The following FRMD5 variants were observed in gnomAD, a reference collection of about 807,000 sequenced individuals.
The protein encoded by FRMD5 is FERM domain containing 5, also known as FERM domain-containing protein 5.
Under a neutral mutation model 69.0 loss-of-function variants are expected in FRMD5, and 20 were observed. That is an observed-to-expected ratio of 0.29 (90% CI 0.20 to 0.42). The LOEUF (loss-of-function observed/expected upper bound fraction) is 0.42, where lower values mean the gene tolerates loss of function less well. Ranked by LOEUF, FRMD5 falls within the 10% of genes least tolerant of loss-of-function variation. FRMD5 has a pLI of 1.00. For synonymous variants in FRMD5, 271 were observed against 260.1 expected, an observed-to-expected ratio of 1.04 and a Z score of -0.40; for missense variants, 595 against 708.6, an observed-to-expected ratio of 0.84 and a Z score of 1.82.
chr15:44,016,084 C>G (rs184531888), intron 1 of FRMD5, among the ~76,000 whole-genome samples: 2 of 152,168 alleles, frequency 1.3e-5, no homozygotes, highest in South Asian at 4.1e-4. Context: ...TCTCTTGCTT[C>G]AAAACCCAGC....
chr15:44,189,351 G>T (rs1457644492), intron 1 of FRMD5, among the ~76,000 whole-genome samples: 1 of 152,110 alleles, frequency 6.6e-6, no homozygotes, highest in Non-Finnish European at 1.5e-5. Flanking sequence ...GAGGCAAAAG[G>T]TCCATAATTT....
chr15:44,028,391 T>C, intron 1 of FRMD5, among the ~76,000 whole-genome samples: 1 of 152,202 alleles, frequency 6.6e-6, no homozygotes, highest in Non-Finnish European at 1.5e-5. Context: ...AGCCTGGAGA[T>C]AAATCAGTTT....
chr15:43,995,567 T>C (rs927954563), intron 1 of FRMD5, among the ~76,000 whole-genome samples: 1 of 151,986 alleles, frequency 6.6e-6, no homozygotes, highest in Non-Finnish European at 1.5e-5. Context: ...GGACCATGGG[T>C]CTGCTGAAGC....
At chr15:44,118,924 T>C (rs1336212747) in intron 1 of FRMD5, among the ~76,000 whole-genome samples, 3 of 151,848 alleles carry the variant, frequency 2.0e-5, no homozygotes, top group East Asian at 3.9e-4. Flanking sequence ...TACAGGTTCA[T>C]CCCACCATGC....
chr15:44,157,852 AAAAG>A (rs2077552372), intron 1 of FRMD5, among the ~76,000 whole-genome samples: 1 of 152,200 alleles, frequency 6.6e-6, no homozygotes, highest in African/African-American at 2.4e-5. Context: ...AACTTAAAAA[AAAAG>A]AAACTTCAAG....
At chr15:44,131,735 C>G (rs146670789) in intron 1 of FRMD5, among the ~76,000 whole-genome samples, 94 of 21,354 alleles carry the variant, frequency 4.4e-3, no homozygotes, top group African/African-American at 6.2e-3. Context: ...GGTACTTACA[C>G]TAGTTAAAAT....
intron 1 of FRMD5, among the ~76,000 whole-genome samples, chr15:44,114,223 A>C (rs1051305934): frequency 2.0e-5 from 3 of 152,200 alleles, no homozygotes; most frequent in Admixed American, 2.0e-4. Context: ...AGAATTTCGC[A>C]GTATTCACCC....
intron 1 of FRMD5, among the ~76,000 whole-genome samples, chr15:44,075,866 G>A (rs56108733): frequency 0.075 from 11,390 of 152,254 alleles, 608 homozygotes; most frequent in Non-Finnish European, 0.12. Flanking sequence ...TCTAACTGGT[G>A]TGAGATGGTA....
chr15:43,874,172 C>T lies in FRMD5; in HGVS notation c.1426G>A (p.Gly476Arg). 6.2e-7 allele frequency: 1 copy of T among 1,614,236 alleles called. No homozygotes were observed. The highest frequency in any genetic ancestry group is 8.5e-7 in the Non-Finnish European group (1 of 1,180,052). ...TPTATEVEAL[G>R]GELRALCQGH... ...TGACACAGGGCCCTCAGCTCTCCCCCAAGGGCCTCCACCTCTGTAGCAGTT... is the reference window on the plus strand; with the variant it reads ...TGACACAGGGCCCTCAGCTCTCCCCTAAGGGCCTCCACCTCTGTAGCAGTT... Residue 476 changes from glycine (G) to arginine (R), a missense_variant, in exon 14 of 14, where the codon GGG becomes AGG. Physicochemically the swap from Gly to Arg is moderately radical, Grantham distance 125 (BLOSUM62 -2). Coordinates refer to ENST00000417257, the MANE Select transcript of FRMD5 (RefSeq NM_032892.5).
chr15:43,876,428 C>T (rs2088359094), intron 13 of FRMD5, among the ~76,000 whole-genome samples: 1 of 152,142 alleles, frequency 6.6e-6, no homozygotes, highest in Non-Finnish European at 1.5e-5. Flanking sequence ...CATCTGTAAT[C>T]CCAGCACTTT....
At chr15:44,062,612 C>A (rs1038573245) in intron 1 of FRMD5, among the ~76,000 whole-genome samples, 7 of 151,322 alleles carry the variant, frequency 4.6e-5, no homozygotes, top group African/African-American at 1.5e-4. Flanking sequence ...ACTGCTTGAA[C>A]CTGGGAGGCA....
chr15:44,030,348 C>A (rs1891627145), intron 1 of FRMD5, among the ~76,000 whole-genome samples: 1 of 152,094 alleles, frequency 6.6e-6, no homozygotes, highest in Admixed American at 6.5e-5. Context: ...ATTTATAAAT[C>A]CTGATTCTGC....
At chr15:43,884,904 G>T in intron 11 of FRMD5, 109 bp from the exon 12 acceptor site, 3 of 925,500 alleles carry the variant, frequency 3.2e-6, no homozygotes, top group Non-Finnish European at 5.2e-6. Flanking sequence ...GGCATCTGTG[G>T]CCCACCCTTT....
At chr15:44,192,861 G>T (rs1344959264) in intron 1 of FRMD5, among the ~76,000 whole-genome samples, 1 of 152,080 alleles carries the variant, frequency 6.6e-6, no homozygotes, top group Non-Finnish European at 1.5e-5. Flanking sequence ...CTAGACAGTG[G>T]ACACTTACTA....
Position 43,966,336 on chromosome 15 carries a change from T to C in FRMD5, c.103-42027A>G, listed in dbSNP as rs535565810. ...GCAGTGAGAGGAGATCTCATGCCGTTGCAGTCCAGCCTGGGAGACAGAGTG... is the reference window on the plus strand; with the variant it reads ...GCAGTGAGAGGAGATCTCATGCCGTCGCAGTCCAGCCTGGGAGACAGAGTG... On this transcript the variant is annotated intron_variant, in intron 1 of 13. Coordinates refer to ENST00000417257, the MANE Select transcript of FRMD5 (RefSeq NM_032892.5). Among the ~76,000 whole-genome samples, 6 of 152,168 alleles carry C rather than the reference T, an allele frequency of 3.9e-5. No individual in the cohort carries two copies. In the East Asian group the frequency reaches 9.7e-4, roughly 25 times the overall value.
At chr15:44,034,565 T>C (rs1382257757) in intron 1 of FRMD5, among the ~76,000 whole-genome samples, 1 of 152,214 alleles carries the variant, frequency 6.6e-6, no homozygotes, top group East Asian at 1.9e-4. Flanking sequence ...ACATATTCCC[T>C]TTCATACTCC....
intron 1 of FRMD5, among the ~76,000 whole-genome samples, chr15:44,117,372 G>A (rs577343409): frequency 2.0e-5 from 3 of 152,244 alleles, no homozygotes; most frequent in East Asian, 3.9e-4. Context: ...TAATGGGCAA[G>A]GAATCGAGAA....
Position 44,146,428 on chromosome 15 carries a change from G to A in FRMD5, c.102+48525C>T, listed in dbSNP as rs56853331. Among the ~76,000 whole-genome samples the A allele has an allele frequency of 6.6e-4, 101 of 152,054 alleles. 2 individuals are homozygous for A. The East Asian group carries it at 0.019, about 29-fold the overall frequency. ...GCATTTGGGTTGATTCCATGTCTTC[G>A]CTATTGTGACTAGTGCTGCAGTGAA... On this transcript the variant is annotated intron_variant, in intron 1 of 13. Coordinates refer to ENST00000417257, the MANE Select transcript of FRMD5 (RefSeq NM_032892.5).
In FRMD5 at chr15:43,872,236, A is replaced by G. The variant is rs746061477; in HGVS notation, c.*1649T>C. The G allele has an allele frequency of 2.2e-4, 34 of 151,992 alleles. No homozygotes were observed. The highest frequency in any genetic ancestry group is 7.0e-4 in the African/African-American group (29 of 41,360). The allele number at this position is 151,992 out of a possible 1,614,324, so 9.4% of individuals were successfully genotyped here. ...TGCAAATCTCTCCCTAAGAACCCCA[A>G]TTATTCCACAGTTGTCATATTGTAA... On this transcript the variant is annotated 3_prime_UTR_variant, in exon 14 of 14. Transcript: ENST00000417257.
Sources: allele counts gnomAD v4.1 joint callset (sites outside exome capture counted in the v4.1 genomes callset), GRCh38; gene constraint gnomAD v4.1.1; transcripts MANE v1.5; gene names NCBI Gene and HGNC (gene_info 2026-07-23, HGNC 2026-07-21).